Variants in DLGAP4 observed in about 807,000 individuals in gnomAD.
The protein encoded by DLGAP4 is DLG associated protein 4, also known as disks large-associated protein 4.
DLGAP4 carries 18 observed loss-of-function variants against 86.9 expected under a neutral mutation model. The observed-to-expected ratio is 0.21, with a 90% CI of 0.14 to 0.31. The LOEUF (loss-of-function observed/expected upper bound fraction) is 0.31. DLGAP4 is among the 10% of genes least tolerant of loss of function. The pLI is 1.00. For synonymous variants in DLGAP4, 548 were observed against 574.3 expected, an observed-to-expected ratio of 0.95 and a Z score of 0.65; for missense variants, 1,085 against 1,362.6, an observed-to-expected ratio of 0.80 and a Z score of 3.21.
chr20:36,448,366 A>G (rs2033654902), intron 7 of DLGAP4, among the ~76,000 whole-genome samples: 1 of 152,172 alleles, frequency 6.6e-6, no homozygotes, highest in African/African-American at 2.4e-5. Context: ...ATAATAATAG[A>G]AAATCAAAAC....
intron 11 of DLGAP4, among the ~76,000 whole-genome samples, chr20:36,524,898 G>C (rs188493941): frequency 6.6e-6 from 1 of 151,210 alleles, no homozygotes; most frequent in Admixed American, 6.6e-5. Context: ...CAATGACAGC[G>C]AAACTCTGTC....
At chr20:36,449,109 C>T (rs1175595654) in intron 7 of DLGAP4, among the ~76,000 whole-genome samples, 1 of 152,166 alleles carries the variant, frequency 6.6e-6, no homozygotes, top group African/African-American at 2.4e-5. Flanking sequence ...GGCATCGGGA[C>T]TCTCTGATGC....
Position 36,519,447 on chromosome 20 carries a change from C to T in DLGAP4, c.2513-4803C>T, listed in dbSNP as rs574558854. On this transcript the variant is annotated intron_variant, in intron 10 of 12. Coordinates refer to ENST00000339266, the MANE Select transcript of DLGAP4 (RefSeq NM_001365621.2). ...CTGTCTGTGTGCGTGCGTGTGCGTGCGTGCATGTACACACAGATTTTCTTT... is the reference window on the plus strand; with the variant it reads ...CTGTCTGTGTGCGTGCGTGTGCGTGTGTGCATGTACACACAGATTTTCTTT... 4.1e-4 allele frequency among the ~76,000 whole-genome samples: 63 copies of T among 152,226 alleles called. 1 individual carries two copies. The highest frequency in any genetic ancestry group is 1.5e-3 in the African/African-American group (62 of 41,524).
At chr20:36,423,455 CAAAAAAAAAAAAAAA>C (rs11434258) in intron 2 of DLGAP4, among the ~76,000 whole-genome samples, 5 of 16,334 alleles carry the variant, frequency 3.1e-4, no homozygotes, top group African/African-American at 6.0e-4. Context: ...GACTCCGTCT[CAAAAAAAAAAAAAAA>C]AAAAAAAAAA....
chr20:36,352,905 G>A (rs940711494), intron 1 of DLGAP4, among the ~76,000 whole-genome samples: 1 of 152,108 alleles, frequency 6.6e-6, no homozygotes, highest in East Asian at 1.9e-4. Context: ...CATAAAGAAC[G>A]GGACTCTTGC....
At chr20:36,462,714 G>T (rs2034154529) in intron 7 of DLGAP4, 4 of 1,377,802 alleles carry the variant, frequency 2.9e-6, no homozygotes, top group Non-Finnish European at 3.9e-6. Context: ...GGGGCTCTGA[G>T]GCCTCCCACA....
chr20:36,339,099 A>G (rs2147370706), intron 1 of DLGAP4, among the ~76,000 whole-genome samples: 1 of 152,146 alleles, frequency 6.6e-6, no homozygotes, highest in East Asian at 1.9e-4. Context: ...GTGTGCATTC[A>G]TTTTTTTGAG....
At position 36,432,017 on chromosome 20, in the gene DLGAP4, G is replaced by A. The variant is rs149479346; in HGVS notation, c.300G>A (p.Leu100=). 62 of 1,614,010 alleles carry A rather than the reference G, an allele frequency of 3.8e-5. No individual in the cohort carries two copies. The African/African-American group carries it at 7.7e-4, about 20-fold the overall frequency. The change falls in exon 3 of 13, where the codon CTG becomes CTA. Residue 100 remains leucine (L), a synonymous_variant. Transcript: ENST00000339266. The surrounding 1 kb of genome is among the most constrained non-coding windows in gnomAD (Gnocchi z 6.5). ...CCCAAGCCACCAAGATCAACCGGCT[G>A]CCCGCCAACCTCCTGGACCAGTTTG... is the stretch of plus-strand genomic sequence containing the variant. ...SHAQATKINR[L]PANLLDQFEK...
Position 36,395,833 on chromosome 20 carries a change from T to C in DLGAP4, c.-73+28558T>C, listed in dbSNP as rs183859329. Among the ~76,000 whole-genome samples the C allele has an allele frequency of 1.6e-4, 25 of 152,278 alleles. No individual in the cohort carries two copies. In the East Asian group the frequency reaches 4.8e-3, roughly 29 times the overall value. ...GGGGTGTGGCAAACATTAGTCTCTG[T>C]GCTGGATGGTCACACATATTTGATC... is the stretch of plus-strand genomic sequence containing the variant. On this transcript the variant is annotated intron_variant, in intron 2 of 12. Coordinates refer to ENST00000339266, the MANE Select transcript of DLGAP4 (RefSeq NM_001365621.2).
intron 1 of DLGAP4, among the ~76,000 whole-genome samples, chr20:36,324,776 ACT>A (rs1287774236): frequency 6.6e-6 from 1 of 151,856 alleles, no homozygotes; most frequent in Non-Finnish European, 1.5e-5. Flanking sequence ...ATATCTGTAG[ACT>A]CTGTAGTGAT....
At chr20:36,331,898 G>A (rs751015696) in intron 1 of DLGAP4, among the ~76,000 whole-genome samples, 9 of 152,058 alleles carry the variant, frequency 5.9e-5, no homozygotes, top group South Asian at 2.1e-4. Flanking sequence ...ATCTGGGATC[G>A]GGTGGGGGTT....
At chr20:36,518,180 C>A (rs1450738568) in intron 10 of DLGAP4, among the ~76,000 whole-genome samples, 4 of 151,924 alleles carry the variant, frequency 2.6e-5, no homozygotes, top group Non-Finnish European at 5.9e-5. Flanking sequence ...TGAGATCCCA[C>A]CACTTTACTC....
chr20:36,424,609 C>A (rs1342699210), intron 2 of DLGAP4, among the ~76,000 whole-genome samples: 1 of 152,126 alleles, frequency 6.6e-6, no homozygotes, highest in East Asian at 1.9e-4. Context: ...TCCTGGGTGG[C>A]CATCACAGCA....
At chr20:36,324,375 C>T (rs931015443) in intron 1 of DLGAP4, among the ~76,000 whole-genome samples, 2 of 152,020 alleles carry the variant, frequency 1.3e-5, no homozygotes, top group African/African-American at 2.4e-5. Flanking sequence ...TTCAGTGAGC[C>T]GAGATTGCAC....
chr20:36,381,619 C>T (rs962823913), intron 2 of DLGAP4, among the ~76,000 whole-genome samples: 6 of 152,186 alleles, frequency 3.9e-5, no homozygotes, highest in African/African-American at 1.4e-4. Flanking sequence ...TCATTGAGCC[C>T]CCAGTCTAGG....
At chr20:36,504,824 C>T (rs1358673027) in intron 10 of DLGAP4, among the ~76,000 whole-genome samples, 2 of 152,184 alleles carry the variant, frequency 1.3e-5, no homozygotes, top group Non-Finnish European at 2.9e-5. Context: ...CTAAGGCCTT[C>T]GCCCATTTTT....
intron 2 of DLGAP4, among the ~76,000 whole-genome samples, chr20:36,419,092 G>A (rs150588563): frequency 2.0e-5 from 3 of 151,956 alleles, no homozygotes; most frequent in East Asian, 3.9e-4. Context: ...CTCTAACATG[G>A]GTAGATTCGT....
At chr20:36,317,322 T>G (rs1397716877) in intron 1 of DLGAP4, among the ~76,000 whole-genome samples, 1 of 8,474 alleles carries the variant, frequency 1.2e-4, no homozygotes, top group African/African-American at 1.9e-4. Context: ...CCTTCCTTCC[T>G]TCCTTCCTCT....
intron 10 of DLGAP4, among the ~76,000 whole-genome samples, chr20:36,514,927 A>C (rs1345041466): frequency 6.6e-6 from 1 of 152,104 alleles, no homozygotes; most frequent in Non-Finnish European, 1.5e-5. Flanking sequence ...AGGTGAGGTG[A>C]GGCAGATGGG....
Sources: allele counts gnomAD v4.1 joint callset (sites outside exome capture counted in the v4.1 genomes callset), GRCh38; gene constraint gnomAD v4.1.1; non-coding constraint Gnocchi (gnomAD v3.1); transcripts MANE v1.5; gene names NCBI Gene and HGNC (gene_info 2026-07-23, HGNC 2026-07-21).